Variants in TEX11 observed in about 807,000 individuals in gnomAD.
TEX11 encodes testis-expressed protein 11.
Under a neutral mutation model 84.4 loss-of-function variants are expected in TEX11, and 7 were observed. The ratio of observed to expected loss-of-function variants is 0.08; its 90% CI spans 0.05 to 0.16. The LOEUF is 0.16. Among genes scored for constraint, TEX11 ranks in the 10% least tolerant of loss-of-function variants. The probability of loss-of-function intolerance (pLI) is 1.00; values close to 1 mark genes in which losing one functional copy is unlikely to be tolerated. For missense variants in TEX11, 551 were observed against 660.5 expected, an observed-to-expected ratio of 0.83 and a Z score of 1.82; for synonymous variants, 264 against 222.8, an observed-to-expected ratio of 1.18 and a Z score of -1.64.
At chrX:70,776,958 T>C (rs1235543964) in intron 9 of TEX11, among the ~76,000 whole-genome samples, 1 of 111,493 alleles carries the variant, frequency 9.0e-6, no homozygotes, top group Non-Finnish European at 1.9e-5. Flanking sequence ...GACTTTATCA[T>C]TACACATTCT....
intron 8 of TEX11, among the ~76,000 whole-genome samples, chrX:70,816,416 T>C (rs1028840153): frequency 8.9e-6 from 1 of 111,982 alleles, no homozygotes; most frequent in Non-Finnish European, 1.9e-5. Flanking sequence ...TAAGATTCTA[T>C]GCAATCAGTC....
At chrX:70,523,013 T>A in the TEX11 span, among the ~76,000 whole-genome samples, 552 of 110,921 alleles carry the variant, frequency 5.0e-3, 6 homozygotes, top group African/African-American at 0.017. Context: ...CAGCTTAGTT[T>A]GCATCAAAAA....
intron 5 of TEX11, chrX:70,857,258 C>A: frequency 8.2e-6 from 1 of 122,688 alleles, no homozygotes; most frequent in South Asian, 3.0e-4. Flanking sequence ...TTTTCTAAAC[C>A]AAAATGTGGT....
At chrX:70,865,206 A>G (rs774981779) in intron 4 of TEX11, among the ~76,000 whole-genome samples, 3 of 111,497 alleles carry the variant, frequency 2.7e-5, no homozygotes, top group Non-Finnish European at 5.6e-5. Context: ...AGGAAGATCT[A>G]CCAAGCAAAT....
chrX:70,595,827 A>G (rs2088999068), intron 24 of TEX11, among the ~76,000 whole-genome samples: 1 of 111,653 alleles, frequency 9.0e-6, no homozygotes, highest in Admixed American at 9.6e-5. Context: ...ACAACCCAAT[A>G]AAAGACAAAG....
intron 28 of TEX11, among the ~76,000 whole-genome samples, chrX:70,537,955 G>A (rs760722816): frequency 3.6e-5 from 4 of 111,678 alleles, no homozygotes; most frequent in South Asian, 3.8e-4. Context: ...AAGAGAAGCC[G>A]TAGGAAGGTG....
At chrX:70,729,280 T>A (rs2090624739) in intron 11 of TEX11, among the ~76,000 whole-genome samples, 1 of 112,215 alleles carries the variant, frequency 8.9e-6, no homozygotes, top group African/African-American at 3.2e-5. Context: ...GGAGCGCAGC[T>A]CCTTACCAGC....
chrX:70,512,488 G>A, the TEX11 span, among the ~76,000 whole-genome samples: 3 of 108,403 alleles, frequency 2.8e-5, no homozygotes, highest in East Asian at 8.7e-4. Context: ...CAAAGTGCTG[G>A]GATTACAGGC....
chrX:70,577,789 A>G lies in TEX11; in HGVS notation c.2140+13962T>C, dbSNP rs113837059. Among the ~76,000 whole-genome samples the G allele has an allele frequency of 5.6e-3, 503 of 89,866 alleles. 64 individuals carry two copies. The highest frequency in any genetic ancestry group is 8.8e-3 in the Non-Finnish European group (358 of 40,612). 78.0% of individuals were successfully genotyped at this position (89,866 alleles called of 115,157 possible). A position where few individuals can be genotyped will look rare whatever the true frequency, so the allele number is the denominator to read the frequency against. On this transcript the variant is annotated intron_variant, in intron 25 of 29. Transcript: ENST00000374333. ...TGTCACCAGGTTGGAGTGCAGTGGC[A>G]GGATCTCTGCTCACCGCAACCTCCG...
At chrX:70,534,394 AATGATGGTGTCATCCAATG>A (rs1346822228) in intron 28 of TEX11, among the ~76,000 whole-genome samples, 1 of 111,562 alleles carries the variant, frequency 9.0e-6, no homozygotes, top group East Asian at 2.8e-4. Flanking sequence ...CAACCAGAAG[AATGATGGTGTCATCCAATG>A]AGTTAGGGAA....
intron 28 of TEX11, among the ~76,000 whole-genome samples, chrX:70,546,726 A>G (rs1380528145): frequency 9.0e-6 from 1 of 111,272 alleles, no homozygotes; most frequent in African/African-American, 3.3e-5. Flanking sequence ...AGTGTTGAGA[A>G]TGTAGAGAAG....
intron 9 of TEX11, among the ~76,000 whole-genome samples, chrX:70,781,150 G>A (rs916718620): frequency 2.7e-5 from 3 of 111,936 alleles, no homozygotes; most frequent in South Asian, 3.7e-4. Context: ...TGCAGCCTCC[G>A]CTGGTGATAC....
chrX:70,752,504 G>C (rs2090834600), intron 9 of TEX11, among the ~76,000 whole-genome samples: 1 of 80,070 alleles, frequency 1.2e-5, no homozygotes, highest in Non-Finnish European at 2.2e-5. Flanking sequence ...CAGCCTGGGT[G>C]ACAGAGCGAT....
intron 17 of TEX11, among the ~76,000 whole-genome samples, chrX:70,639,802 A>G (rs1036508512): frequency 9.0e-6 from 1 of 111,552 alleles, no homozygotes; most frequent in African/African-American, 3.3e-5. Context: ...AAGTAGATAA[A>G]ACCACAAAGA....
chrX:70,810,084 C>G (rs2091243426), intron 8 of TEX11, among the ~76,000 whole-genome samples: 1 of 111,569 alleles, frequency 9.0e-6, no homozygotes, highest in South Asian at 3.8e-4. Flanking sequence ...AAATCAAAAC[C>G]ACAATGAGAT....
chrX:70,798,655 G>A (rs768365907), intron 9 of TEX11, among the ~76,000 whole-genome samples: 3 of 111,787 alleles, frequency 2.7e-5, no homozygotes, highest in Non-Finnish European at 5.7e-5. Context: ...CAGACCAATG[G>A]AATAGAATAG....
chrX:70,611,620 C>G lies in TEX11; in HGVS notation c.1752-1077G>C, dbSNP rs1054288002. ...AAACACTTTAAAACATGCCAGAGCACCCTGTTCTTAACAAGTCTTGCCCTC... is the reference window on the plus strand; with the variant it reads ...AAACACTTTAAAACATGCCAGAGCAGCCTGTTCTTAACAAGTCTTGCCCTC... On this transcript the variant is annotated intron_variant, in intron 20 of 29. Transcript: ENST00000374333. Among the ~76,000 whole-genome samples, 3 of 111,577 alleles carry G rather than the reference C, an allele frequency of 2.7e-5. No individual in the cohort carries two copies. The East Asian group carries it at 8.4e-4, about 31-fold the overall frequency.
intron 28 of TEX11, among the ~76,000 whole-genome samples, chrX:70,542,427 G>A (rs1199225771): frequency 2.7e-5 from 3 of 111,488 alleles, no homozygotes; most frequent in Non-Finnish European, 3.8e-5. Flanking sequence ...ATAGCAGCCC[G>A]AATTGACTAA....
At chrX:70,751,994 G>A (rs1363218476) in intron 9 of TEX11, among the ~76,000 whole-genome samples, 3 of 111,906 alleles carry the variant, frequency 2.7e-5, no homozygotes, top group Non-Finnish European at 3.8e-5. Flanking sequence ...TAATATATTC[G>A]ATAACGATTA....
Sources: allele counts gnomAD v4.1 joint callset (sites outside exome capture counted in the v4.1 genomes callset), GRCh38; gene constraint gnomAD v4.1.1; transcripts MANE v1.5; gene names NCBI Gene and HGNC (gene_info 2026-07-23, HGNC 2026-07-21).